Variants in ATP8B4 observed in about 807,000 individuals in gnomAD.
ATP8B4 encodes the protein ATPase phospholipid transporting 8B4 (putative), also known as probable phospholipid-transporting ATPase IM.
Under a neutral mutation model 145.6 loss-of-function variants are expected in ATP8B4, and 133 were observed. The observed-to-expected ratio is 0.91, with a 90% CI of 0.79 to 1.05. ATP8B4 has a LOEUF of 1.05. Ranked by LOEUF, ATP8B4 falls within the 50% of genes least tolerant of loss-of-function variation. The probability of loss-of-function intolerance (pLI) is 0.00; values close to 1 mark genes in which losing one functional copy is unlikely to be tolerated. For missense variants in ATP8B4, 1,458 were observed against 1,425.2 expected (o/e 1.02, Z -0.37); for synonymous variants, 507 against 492.9 (o/e 1.03, Z -0.38).
At chr15:50,013,584 T>A (rs575951558) in intron 6 of ATP8B4, among the ~76,000 whole-genome samples, 1 of 152,080 alleles carries the variant, frequency 6.6e-6, no homozygotes, top group South Asian at 2.1e-4. Context: ...TATGGGATAA[T>A]AAGATAGCCT....
At chr15:50,131,089 T>A (rs955956064) in intron 1 of ATP8B4, among the ~76,000 whole-genome samples, 10 of 151,838 alleles carry the variant, frequency 6.6e-5, no homozygotes, top group Non-Finnish European at 1.0e-4. Context: ...CCATCAGATC[T>A]CATGAGAATT....
intron 3 of ATP8B4, among the ~76,000 whole-genome samples, chr15:50,073,388 A>G (rs553652222): frequency 6.6e-6 from 1 of 152,038 alleles, no homozygotes; most frequent in African/African-American, 2.4e-5. Flanking sequence ...TTCCAACTTC[A>G]TCCACATCCT....
At chr15:49,950,612 A>AC (rs1555427875) in intron 14 of ATP8B4, among the ~76,000 whole-genome samples, 1 of 105,122 alleles carries the variant, frequency 9.5e-6, no homozygotes, top group South Asian at 3.0e-4. Flanking sequence ...ACAAACAAAC[A>AC]AACAAACAAA....
chr15:50,098,995 G>T (rs749146603), intron 2 of ATP8B4, among the ~76,000 whole-genome samples: 5 of 152,020 alleles, frequency 3.3e-5, no homozygotes, highest in Non-Finnish European at 7.4e-5. Context: ...ATGGAGGAAG[G>T]GACCCACAAA....
At chr15:49,999,293 C>A (rs1234931598) in intron 8 of ATP8B4, among the ~76,000 whole-genome samples, 1 of 148,036 alleles carries the variant, frequency 6.8e-6, no homozygotes, top group Non-Finnish European at 1.5e-5. Flanking sequence ...AACAAAAAAC[C>A]AAACACCGCA....
At chr15:49,950,607 C>CAA (rs1489232447) in intron 14 of ATP8B4, among the ~76,000 whole-genome samples, 13 of 96,402 alleles carry the variant, frequency 1.3e-4, no homozygotes, top group East Asian at 4.1e-4. Context: ...AAAAAACAAA[C>CAA]AAACAAACAA....
At chr15:50,047,912 G>C (rs1277754884) in intron 3 of ATP8B4, among the ~76,000 whole-genome samples, 1 of 152,212 alleles carries the variant, frequency 6.6e-6, no homozygotes. Context: ...CCTGGGATGG[G>C]AAACTGACTG....
chr15:49,949,749 A>C (rs888984604), intron 14 of ATP8B4, among the ~76,000 whole-genome samples: 1 of 152,092 alleles, frequency 6.6e-6, no homozygotes, highest in Non-Finnish European at 1.5e-5. Context: ...CTGGTTTTCA[A>C]AGGGAATGCT....
At chr15:49,882,898 T>G (rs773145982) in intron 23 of ATP8B4, among the ~76,000 whole-genome samples, 1 of 152,210 alleles carries the variant, frequency 6.6e-6, no homozygotes, top group Admixed American at 6.5e-5. Flanking sequence ...ATTTATATAC[T>G]TTTTAATATA....
At chr15:50,081,073 A>C (rs1204951342) in intron 2 of ATP8B4, among the ~76,000 whole-genome samples, 7 of 150,876 alleles carry the variant, frequency 4.6e-5, no homozygotes, top group African/African-American at 7.3e-5. Context: ...AGATCACGCC[A>C]CTGCACTCCA....
chr15:50,156,054 G>T (rs2044405907), intron 1 of ATP8B4, among the ~76,000 whole-genome samples: 5 of 88,970 alleles, frequency 5.6e-5, no homozygotes, highest in South Asian at 3.8e-4. Flanking sequence ...CTGAATTCTT[G>T]GTAATAAATA....
intron 2 of ATP8B4, among the ~76,000 whole-genome samples, chr15:50,086,549 A>T (rs1319483305): frequency 3.1e-5 from 3 of 96,662 alleles, no homozygotes; most frequent in Non-Finnish European, 5.2e-5. Context: ...ATATAATAAA[A>T]TAATATAGAG....
At chr15:49,949,497 G>C (rs1018638914) in intron 14 of ATP8B4, among the ~76,000 whole-genome samples, 3 of 152,102 alleles carry the variant, frequency 2.0e-5, no homozygotes, top group Non-Finnish European at 2.9e-5. Context: ...AGGAATGTTT[G>C]TGATTTCTGC....
chr15:50,038,598 C>T (rs1028404852), intron 6 of ATP8B4, among the ~76,000 whole-genome samples, 170 bp downstream of exon 6: 1 of 151,742 alleles, frequency 6.6e-6, no homozygotes, highest in African/African-American at 2.4e-5. Context: ...CAAGCATTTG[C>T]GGAACATAAA....
At chr15:49,940,671 G>A (rs771149895) in intron 14 of ATP8B4, among the ~76,000 whole-genome samples, 6 of 152,130 alleles carry the variant, frequency 3.9e-5, no homozygotes, top group South Asian at 2.1e-4. Flanking sequence ...TCATGTGGCC[G>A]AAAATGAATC....
At chr15:50,148,686 C>T (rs927211121) in intron 1 of ATP8B4, among the ~76,000 whole-genome samples, 1 of 152,148 alleles carries the variant, frequency 6.6e-6, no homozygotes, top group African/African-American at 2.4e-5. Flanking sequence ...TTATAAATTA[C>T]CCAGTCTAAG....
chr15:49,972,669 T>C lies in ATP8B4; in HGVS notation c.1156A>G (p.Ile386Val). The change falls in exon 13 of 28, where the codon ATT (isoleucine) becomes GTT (valine). Residue 386 changes from isoleucine to valine, a missense_variant. Physicochemically the swap from Ile to Val is conservative, Grantham distance 29. Coordinates refer to ENST00000284509, the MANE Select transcript of ATP8B4 (RefSeq NM_024837.4). ...TTTLNEELGQ[I>V]EYIFSDKTGT... ...GTTTTGTCGGAGAAAATGTACTCAA[T>C]CTGCCCCAGTTCCTCATTGAGCGTG... 6.2e-7 allele frequency: 1 copy of C among 1,614,024 alleles called. No homozygotes were observed. The highest frequency in any genetic ancestry group is 8.5e-7 in the Non-Finnish European group (1 of 1,179,972).
chr15:50,066,937 G>C (rs1467799438), intron 3 of ATP8B4, among the ~76,000 whole-genome samples: 2 of 151,984 alleles, frequency 1.3e-5, no homozygotes, highest in East Asian at 3.9e-4. Context: ...CCTACCATTA[G>C]ACCAGTTCAC....
Position 49,947,452 on chromosome 15 carries a change from A to AG in ATP8B4, c.1288-13271_1288-13270insC, listed in dbSNP as rs556220836. Among the ~76,000 whole-genome samples, 311 of 151,678 alleles carry AG rather than the reference A, an allele frequency of 2.1e-3. 2 individuals carry two copies. Among genetic ancestry groups the AG allele is most frequent in the Non-Finnish European group, 3.7e-3 (254 of 67,862 alleles). ...GACTCTGTCTCAAAAAAAAAAAAAA[A>AG]AAAGAAAACATTGATGAAAGCAATT... On this transcript the variant is annotated intron_variant, in intron 14 of 27. Coordinates refer to ENST00000284509, the MANE Select transcript of ATP8B4 (RefSeq NM_024837.4).
Sources: gnomAD v4.1 joint callset for allele counts (sites outside exome capture counted in the v4.1 genomes callset) on GRCh38, gnomAD v4.1.1 for gene constraint, MANE v1.5 for transcripts, NCBI Gene and HGNC (gene_info 2026-07-23, HGNC 2026-07-21) for gene names.